Variants in XYLB observed in about 807,000 individuals in gnomAD.
The protein encoded by XYLB is xylulokinase, also known as xylulose kinase.
Under a neutral mutation model 78.7 loss-of-function variants are expected in XYLB, and 62 were observed. The ratio of observed to expected loss-of-function variants is 0.79; its 90% confidence interval spans 0.64 to 0.97. XYLB has a LOEUF of 0.97. Ranked by LOEUF, XYLB falls within the 50% of genes least tolerant of loss-of-function variation. The probability of loss-of-function intolerance (pLI) is 0.00; values close to 1 mark genes in which losing one functional copy is unlikely to be tolerated. For synonymous variants in XYLB, 245 were observed against 247.4 expected (o/e 0.99, Z 0.09); for missense variants, 687 against 676.8 (o/e 1.02, Z -0.17).
chr3:38,415,952 C>T (rs28463868), downstream of XYLB, among the ~76,000 whole-genome samples: 1,382 of 152,126 alleles, frequency 9.1e-3, 21 homozygotes, highest in African/African-American at 0.031. Context: ...AGAGCATGGA[C>T]GCACAAGAGA....
chr3:38,444,671 A>G, the XYLB span, among the ~76,000 whole-genome samples: 1 of 151,710 alleles, frequency 6.6e-6, no homozygotes, highest in Non-Finnish European at 1.5e-5. Context: ...TCACCTCTTT[A>G]TCAGGGTTTG....
intron 15 of XYLB, among the ~76,000 whole-genome samples, chr3:38,388,914 AAAG>A (rs373899659): frequency 0.087 from 13,172 of 152,052 alleles, 790 homozygotes; most frequent in Middle Eastern, 0.19. Flanking sequence ...TTATTTTACT[AAAG>A]AATTAAAATA....
intron 4 of XYLB, among the ~76,000 whole-genome samples, chr3:38,364,311 G>T (rs1706130369): frequency 6.6e-6 from 1 of 151,744 alleles, no homozygotes; most frequent in Non-Finnish European, 1.5e-5. Flanking sequence ...AGCGCTATCT[G>T]CTTGTCATTC....
At position 38,366,694 on chromosome 3, in the gene XYLB, G is replaced by A. The variant is rs567440133; in HGVS notation, c.508-114G>A. The A allele has an allele frequency of 9.9e-6, 7 of 708,398 alleles. No homozygotes were observed. In the African/African-American group the frequency reaches 1.1e-4, roughly 11 times the overall value. 43.9% of individuals were successfully genotyped at this position (708,398 alleles called of 1,614,324 possible). A position where few individuals can be genotyped will look rare whatever the true frequency, so the allele number is the denominator to read the frequency against. ...GCCTGGTTGGGGCTTACTTTTAAAAGCTTTTATGGTACCTACTCCTATCCA... is the reference window on the plus strand; with the variant it reads ...GCCTGGTTGGGGCTTACTTTTAAAAACTTTTATGGTACCTACTCCTATCCA... On this transcript the variant is annotated intron_variant, in intron 6 of 18. Transcript: ENST00000207870.
intron 9 of XYLB, 66 bp from the exon 10 acceptor site, chr3:38,372,589 G>A (rs1290881296): frequency 6.8e-6 from 11 of 1,611,684 alleles, no homozygotes; most frequent in Admixed American, 3.3e-5. Flanking sequence ...CTGAAGGGTG[G>A]GTGGCTGTGC....
chr3:38,379,520 G>A (rs1707043241), intron 15 of XYLB, among the ~76,000 whole-genome samples, 178 bp downstream of exon 15: 2 of 152,210 alleles, frequency 1.3e-5, no homozygotes, highest in African/African-American at 4.8e-5. Context: ...GGCACTTGTA[G>A]GCAAGCATAG....
intron 17 of XYLB, among the ~76,000 whole-genome samples, chr3:38,399,521 T>C (rs1019441794): frequency 4.6e-5 from 7 of 152,204 alleles, no homozygotes; most frequent in Non-Finnish European, 8.8e-5. Flanking sequence ...TGTTTCATCC[T>C]CCCAAATACT....
At chr3:38,424,872 C>T (rs917854108), downstream of XYLB, among the ~76,000 whole-genome samples, 1 of 152,196 alleles carries the variant, frequency 6.6e-6, no homozygotes, top group African/African-American at 2.4e-5. Context: ...TCTTCCAGGA[C>T]CTTTGACTGC....
chr3:38,359,126 TA>T (rs1181120372), intron 2 of XYLB, among the ~76,000 whole-genome samples: 1 of 152,272 alleles, frequency 6.6e-6, no homozygotes, highest in Non-Finnish European at 1.5e-5. Flanking sequence ...AAGCCTGTGA[TA>T]AACATTGTTT....
At chr3:38,368,785 C>G (rs949160226) in intron 8 of XYLB, among the ~76,000 whole-genome samples, 2 of 152,106 alleles carry the variant, frequency 1.3e-5, no homozygotes, top group Non-Finnish European at 2.9e-5. Flanking sequence ...ACACTAGGTA[C>G]GGTTGACCCA....
chr3:38,423,193 C>T (rs1254029882), downstream of XYLB, among the ~76,000 whole-genome samples: 1 of 152,150 alleles, frequency 6.6e-6, no homozygotes, highest in Non-Finnish European at 1.5e-5. Context: ...CTGCCTCAGC[C>T]TCCCGAGTAG....
chr3:38,368,917 C>G (rs1227816386), intron 8 of XYLB, among the ~76,000 whole-genome samples: 1 of 152,156 alleles, frequency 6.6e-6, no homozygotes, highest in African/African-American at 2.4e-5. Flanking sequence ...ATTTGGTGAA[C>G]TCATGAGATT....
rs1342999056 is a variant in XYLB at position 38,375,129 on chromosome 3, C to CCTATCTCTCCTCAGGTCAGCCTG, written c.889-14_897dup. Reference sequence around the variant, plus strand: ...GCAAAGCCCAAGGTGCCCACCTCTGCCTATCTCTCCTCAGGTCAGCCTGGG... The same window carrying CCTATCTCTCCTCAGGTCAGCCTG: ...GCAAAGCCCAAGGTGCCCACCTCTGCCTATCTCTCCTCAGGTCAGCCTGCTATCTCTCCTCAGGTCAGCCTGGG... On this transcript the variant is annotated splice_polypyrimidine_tract_variant and intron_variant, in intron 11 of 18. Transcript: ENST00000207870. 6.2e-7 allele frequency: 1 copy of CCTATCTCTCCTCAGGTCAGCCTG among 1,609,748 alleles called. No homozygotes were observed. The highest frequency in any genetic ancestry group is 8.5e-7 in the Non-Finnish European group (1 of 1,177,332).
chr3:38,443,347 T>A, the XYLB span, among the ~76,000 whole-genome samples: 1 of 152,180 alleles, frequency 6.6e-6, no homozygotes, highest in Non-Finnish European at 1.5e-5. Flanking sequence ...AGAGAACATT[T>A]GTCCTCTGGG....
intron 15 of XYLB, among the ~76,000 whole-genome samples, chr3:38,382,478 G>A (rs1273287444): frequency 6.6e-6 from 1 of 152,154 alleles, no homozygotes; most frequent in East Asian, 1.9e-4. Flanking sequence ...TATGATGTGT[G>A]CATTTTTCAG....
chr3:38,442,257 C>A, the XYLB span, among the ~76,000 whole-genome samples: 1 of 152,078 alleles, frequency 6.6e-6, no homozygotes, highest in Non-Finnish European at 1.5e-5. Context: ...TGCTTTGTAC[C>A]CTTGATTAGC....
At chr3:38,349,648 C>A (rs1705250867) in intron 2 of XYLB, among the ~76,000 whole-genome samples, 1 of 152,154 alleles carries the variant, frequency 6.6e-6, no homozygotes, top group Non-Finnish European at 1.5e-5. Flanking sequence ...AGAGAAAGAT[C>A]ATGAGTTCAG....
At chr3:38,427,558 C>T in the XYLB span, among the ~76,000 whole-genome samples, 48 of 151,886 alleles carry the variant, frequency 3.2e-4, no homozygotes, top group Non-Finnish European at 6.5e-4. Context: ...TTATTATTTA[C>T]TTCAGGTTTA....
intron 7 of XYLB, among the ~76,000 whole-genome samples, chr3:38,367,721 G>A (rs1706337952): frequency 6.6e-6 from 1 of 152,174 alleles, no homozygotes; most frequent in Non-Finnish European, 1.5e-5. Context: ...TCTCTGGCTA[G>A]TGCTCAGGGT....
Sources: gnomAD v4.1 joint callset for allele counts (sites outside exome capture counted in the v4.1 genomes callset) on GRCh38, gnomAD v4.1.1 for gene constraint, MANE v1.5 for transcripts, NCBI Gene and HGNC (gene_info 2026-07-23, HGNC 2026-07-21) for gene names.